Variants in GLIS3 observed in about 807,000 individuals in gnomAD.
The protein encoded by GLIS3 is GLIS family zinc finger 3, also known as zinc finger protein GLIS3.
In GLIS3, 53 loss-of-function variants were observed where a neutral mutation model predicts 78.6. That is an observed-to-expected ratio of 0.67 (90% CI 0.54 to 0.85). GLIS3 has a LOEUF of 0.85. Ranked by LOEUF, GLIS3 falls within the 40% of genes least tolerant of loss-of-function variation. The pLI, the probability that GLIS3 is intolerant of heterozygous loss-of-function variation, is 0.00. For missense variants in GLIS3, 1,703 were observed against 1,231.1 expected (o/e 1.38, Z -5.74); for synonymous variants, 684 against 509.9 (o/e 1.34, Z -4.60).
At chr9:4,321,461 A>AAAAAAAAT (rs1563932116) in intron 2 of GLIS3, among the ~76,000 whole-genome samples, 7 of 140,920 alleles carry the variant, frequency 5.0e-5, no homozygotes, top group African/African-American at 1.9e-4. Context: ...AAAAAAAAAA[A>AAAAAAAAT]AATCAGGTGC....
chr9:4,185,334 T>C (rs1466583043), intron 2 of GLIS3, among the ~76,000 whole-genome samples: 1 of 152,222 alleles, frequency 6.6e-6, no homozygotes, highest in East Asian at 1.9e-4. Context: ...GGCTAAACTG[T>C]ATTTTGTTTA....
At chr9:4,484,375 C>G in the GLIS3 span, among the ~76,000 whole-genome samples, 2 of 143,718 alleles carry the variant, frequency 1.4e-5, no homozygotes, top group Non-Finnish European at 3.0e-5. Context: ...GTAGCTGGGA[C>G]CACAGGTGTG....
intron 10 of GLIS3, 60 bp downstream of exon 10, chr9:3,829,250 G>T: frequency 2.0e-6 from 3 of 1,505,956 alleles, no homozygotes; most frequent in Non-Finnish European, 2.8e-6. Flanking sequence ...GTCACGGGCA[G>T]CCCACCTGGT....
At chr9:4,455,422 G>T in the GLIS3 span, among the ~76,000 whole-genome samples, 8 of 152,130 alleles carry the variant, frequency 5.3e-5, no homozygotes, top group Non-Finnish European at 7.4e-5. Context: ...GGAAGGGCAA[G>T]AAAAAGTTAG....
chr9:4,026,845 A>T (rs1408247546), intron 4 of GLIS3, among the ~76,000 whole-genome samples: 3 of 152,192 alleles, frequency 2.0e-5, no homozygotes, highest in Non-Finnish European at 4.4e-5. Flanking sequence ...ATCTCATTTA[A>T]TCCTCACAAT....
the GLIS3 span, among the ~76,000 whole-genome samples, chr9:4,477,842 A>G: frequency 6.6e-6 from 1 of 152,230 alleles, no homozygotes; most frequent in South Asian, 2.1e-4. Flanking sequence ...ACTTAAAAAC[A>G]TGGTAAAATT....
At chr9:4,348,278 C>G (rs896279008) in exon 1 of GLIS3, 1 of 152,176 alleles carries the variant, frequency 6.6e-6, no homozygotes, top group African/African-American at 2.4e-5. Context: ...ATGGTGTCTT[C>G]ACAATATCAT....
intron 4 of GLIS3, among the ~76,000 whole-genome samples, chr9:4,093,693 T>C (rs760568368): frequency 2.0e-5 from 3 of 152,214 alleles, no homozygotes; most frequent in African/African-American, 7.2e-5. Context: ...TTCAGCTTCC[T>C]TGCTAACCCA....
intron 2 of GLIS3, among the ~76,000 whole-genome samples, chr9:4,267,302 A>C (rs1252263486): frequency 6.6e-6 from 1 of 152,158 alleles, no homozygotes; most frequent in Non-Finnish European, 1.5e-5. Context: ...GTTTATAGAT[A>C]GATTATGTAT....
chr9:3,953,094 T>C (rs1242294848), intron 4 of GLIS3, among the ~76,000 whole-genome samples: 1 of 152,172 alleles, frequency 6.6e-6, no homozygotes, highest in Non-Finnish European at 1.5e-5. Flanking sequence ...ATTTGAGGGA[T>C]CTGCACTACA....
chr9:4,145,472 T>C (rs906392905), intron 2 of GLIS3, among the ~76,000 whole-genome samples: 6 of 152,192 alleles, frequency 3.9e-5, no homozygotes, highest in South Asian at 2.1e-4. Flanking sequence ...AACCAATTGA[T>C]TGGAACAACA....
intron 4 of GLIS3, among the ~76,000 whole-genome samples, chr9:4,086,769 G>A (rs141321445): frequency 1.0e-3 from 154 of 152,330 alleles, no homozygotes; most frequent in Non-Finnish European, 1.6e-3. Context: ...TCAGCATCAT[G>A]AACAACTTCA....
chr9:3,862,247 G>T (rs73640775), intron 8 of GLIS3, among the ~76,000 whole-genome samples: 1,625 of 152,296 alleles, frequency 0.011, 20 homozygotes, highest in African/African-American at 0.036. Flanking sequence ...GAGTGGTGGG[G>T]TGAGGGGGGA....
intron 1 of GLIS3, among the ~76,000 whole-genome samples, chr9:4,292,933 T>A (rs1816148797): frequency 6.6e-6 from 1 of 152,224 alleles, no homozygotes; most frequent in Non-Finnish European, 1.5e-5. Context: ...ATGATGTCAC[T>A]GCTGAATTAA....
chr9:4,430,450 T>C, the GLIS3 span, among the ~76,000 whole-genome samples: 2 of 152,248 alleles, frequency 1.3e-5, no homozygotes, highest in Non-Finnish European at 2.9e-5. Flanking sequence ...CTGTTGCCAG[T>C]AGTCACCTAT....
chr9:3,937,136 C>G lies in GLIS3; in HGVS notation c.1764G>C (p.Leu588Phe). ...ACGGCTTCTCGCCTGTGTGGCTCCG[C>G]AAGTGGATCTTGAGATTTTCAAGCC... is the stretch of plus-strand genomic sequence containing the variant. ...FSRLENLKIH[L>F]RSHTGEKPYL... The change falls in exon 5 of 11, where the codon TTG becomes TTC. Residue 588 changes from leucine to phenylalanine, a missense_variant. Leu to Phe is a conservative substitution (Grantham distance 22). Transcript: ENST00000381971. The G allele has an allele frequency of 6.2e-7, 1 of 1,614,090 alleles. No individual in the cohort carries two copies.
At chr9:4,236,539 G>A (rs1040271751) in intron 2 of GLIS3, among the ~76,000 whole-genome samples, 2 of 152,238 alleles carry the variant, frequency 1.3e-5, no homozygotes, top group South Asian at 2.1e-4. Flanking sequence ...ACTGTAAGCT[G>A]TAGAGGCATA....
intron 2 of GLIS3, among the ~76,000 whole-genome samples, chr9:4,216,516 A>G (rs887111194): frequency 1.5e-5 from 2 of 133,772 alleles, no homozygotes; most frequent in African/African-American, 5.1e-5. Context: ...AAGAAAAAGA[A>G]AAAAAAAAAA....
chr9:4,349,899 G>C (rs189107984), upstream of GLIS3, among the ~76,000 whole-genome samples: 1 of 152,182 alleles, frequency 6.6e-6, no homozygotes, highest in Non-Finnish European at 1.5e-5. Flanking sequence ...ACTAGAAATC[G>C]ATGAATCTTC....
Sources: gnomAD v4.1 joint callset for allele counts (sites outside exome capture counted in the v4.1 genomes callset) on GRCh38, gnomAD v4.1.1 for gene constraint, MANE v1.5 for transcripts, NCBI Gene and HGNC (gene_info 2026-07-23, HGNC 2026-07-21) for gene names.